The following SHISA9 variants were observed in gnomAD, a reference collection of about 807,000 sequenced individuals.
SHISA9 encodes protein shisa-9.
A neutral mutation model predicts 38.0 loss-of-function variants in SHISA9; 13 were observed. The ratio of observed to expected loss-of-function variants is 0.34; its 90% confidence interval spans 0.22 to 0.54. SHISA9 has a LOEUF of 0.54. Ranked by LOEUF, SHISA9 falls within the 20% of genes least tolerant of loss-of-function variation. The probability of loss-of-function intolerance (pLI) is 0.91; values close to 1 mark genes in which losing one functional copy is unlikely to be tolerated. For missense variants in SHISA9, 538 were observed against 575.8 expected (o/e 0.93, Z 0.67); for synonymous variants, 275 against 242.0 (o/e 1.14, Z -1.27).
At chr16:13,119,297 T>C (rs1457777447) in intron 2 of SHISA9, among the ~76,000 whole-genome samples, 2 of 152,110 alleles carry the variant, frequency 1.3e-5, no homozygotes, top group African/African-American at 4.8e-5. Flanking sequence ...AATGTTATCA[T>C]TGATTTTAGA....
the SHISA9 span, among the ~76,000 whole-genome samples, chr16:13,406,121 C>G: frequency 6.6e-6 from 1 of 152,208 alleles, no homozygotes; most frequent in African/African-American, 2.4e-5. Flanking sequence ...TAACAGCTGC[C>G]CAGATGTGCC....
intron 2 of SHISA9, among the ~76,000 whole-genome samples, chr16:12,988,555 C>A (rs992035418): frequency 6.6e-6 from 1 of 152,130 alleles, no homozygotes; most frequent in Admixed American, 6.6e-5. Context: ...GACAGCCTCT[C>A]GCTCTGTCAC....
the SHISA9 span, among the ~76,000 whole-genome samples, chr16:13,421,942 G>A: frequency 6.6e-6 from 1 of 152,222 alleles, no homozygotes; most frequent in Admixed American, 6.5e-5. Context: ...ACGAGCACAG[G>A]AAATGCCCAT....
intron 2 of SHISA9, among the ~76,000 whole-genome samples, chr16:13,158,790 C>T (rs1292560732): frequency 6.6e-6 from 1 of 152,062 alleles, no homozygotes; most frequent in East Asian, 1.9e-4. Flanking sequence ...GGCATGGTGG[C>T]TCACGCCTAT....
chr16:13,410,529 G>T, the SHISA9 span, among the ~76,000 whole-genome samples: 1 of 152,102 alleles, frequency 6.6e-6, no homozygotes, highest in Non-Finnish European at 1.5e-5. Flanking sequence ...AACAGATATG[G>T]GTTGTCTAAA....
At chr16:13,076,311 G>A (rs1021288336) in intron 2 of SHISA9, among the ~76,000 whole-genome samples, 6 of 152,190 alleles carry the variant, frequency 3.9e-5, no homozygotes, top group African/African-American at 7.2e-5. Context: ...GATTACAGGC[G>A]TGAGCCACTG....
At chr16:13,191,613 C>T (rs1398872362) in intron 2 of SHISA9, among the ~76,000 whole-genome samples, 2 of 152,130 alleles carry the variant, frequency 1.3e-5, no homozygotes, top group African/African-American at 4.8e-5. Context: ...ATAAGACACC[C>T]AAAGATGCTG....
chr16:12,908,551 G>A (rs1277316713), intron 1 of SHISA9: 2 of 1,551,890 alleles, frequency 1.3e-6, no homozygotes, highest in Non-Finnish European at 1.7e-6. Context: ...CTGGAGAGTG[G>A]AGTGTCGGAC....
chr16:13,197,008 C>T, intron 2 of SHISA9, among the ~76,000 whole-genome samples: 1 of 152,078 alleles, frequency 6.6e-6, no homozygotes, highest in East Asian at 1.9e-4. Context: ...GGGAGGATCA[C>T]TTGAACCTGG....
At chr16:13,106,691 G>T (rs1408882186) in intron 2 of SHISA9, among the ~76,000 whole-genome samples, 1 of 152,170 alleles carries the variant, frequency 6.6e-6, no homozygotes, top group Non-Finnish European at 1.5e-5. Flanking sequence ...AGGTGGACAT[G>T]TGACCTGGAT....
chr16:13,346,604 G>A, the SHISA9 span, among the ~76,000 whole-genome samples: 5 of 152,260 alleles, frequency 3.3e-5, no homozygotes, highest in South Asian at 2.1e-4. Flanking sequence ...ATCATTCTTC[G>A]TGGTGGAAGT....
Position 13,235,108 on chromosome 16 carries a change from A to ACCCCG in SHISA9, c.975_979dup (p.Val327AlafsTer3). 6.4e-7 allele frequency: 1 copy of ACCCCG among 1,551,248 alleles called. No homozygotes were observed. Among genetic ancestry groups the ACCCCG allele is most frequent in the Non-Finnish European group, 8.7e-7 (1 of 1,146,878 alleles). On this transcript the variant is annotated frameshift_variant, in exon 5 of 5. Transcript: ENST00000558583. LOFTEE classifies it high-confidence loss of function. The stretch of plus-strand genomic sequence containing the variant: ...GCTGCCAAGGGGAACTTACCTCTGC[A>ACCCCG]CCCCGTAAGAGTGGAGGACGAGCCC...
Position 13,046,894 on chromosome 16 carries a change from C to T in SHISA9, c.691+130079C>T, listed in dbSNP as rs777383670. On this transcript the variant is annotated intron_variant, in intron 2 of 4. Coordinates refer to ENST00000558583, the MANE Select transcript of SHISA9 (RefSeq NM_001145204.3). ...TGCTTCAGTAGCAGCACCATTCCCC[C>T]GGTTATGTCCTCCTGGAACCTGCAG... Among the ~76,000 whole-genome samples the T allele has an allele frequency of 5.3e-5, 8 of 152,272 alleles. No individual in the cohort carries two copies. In the East Asian group the frequency reaches 7.7e-4, roughly 15 times the overall value.
intron 4 of SHISA9, among the ~76,000 whole-genome samples, chr16:13,220,256 C>G (rs1467052192): frequency 6.6e-6 from 1 of 152,118 alleles, no homozygotes. Flanking sequence ...CTGGTTTTAA[C>G]TGGAATGACT....
At chr16:13,559,605 A>G in the SHISA9 span, among the ~76,000 whole-genome samples, 10 of 151,650 alleles carry the variant, frequency 6.6e-5, no homozygotes, top group East Asian at 1.9e-3. Flanking sequence ...CTGGTCTTAA[A>G]CTCCTCATCT....
the SHISA9 span, among the ~76,000 whole-genome samples, chr16:13,491,344 C>G: frequency 6.6e-6 from 1 of 151,144 alleles, no homozygotes; most frequent in Non-Finnish European, 1.5e-5. Flanking sequence ...AGAAATTGTC[C>G]TAAGCACCTC....
intron 3 of SHISA9, among the ~76,000 whole-genome samples, chr16:13,206,725 C>T (rs749349307): frequency 2.6e-5 from 4 of 152,262 alleles, no homozygotes; most frequent in South Asian, 2.1e-4. Flanking sequence ...TAAGACCCTA[C>T]GTACTGGTTA....
At chr16:12,922,347 T>C (rs1323962216) in intron 2 of SHISA9, among the ~76,000 whole-genome samples, 1 of 152,252 alleles carries the variant, frequency 6.6e-6, no homozygotes, top group African/African-American at 2.4e-5. Context: ...CCAGGCTCTA[T>C]TCTGCCCCAG....
chr16:13,312,417 A>G, the SHISA9 span, among the ~76,000 whole-genome samples: 2 of 152,176 alleles, frequency 1.3e-5, no homozygotes, highest in Non-Finnish European at 2.9e-5. Context: ...CCCCTCAGTC[A>G]TGGATTTCAC....
Sources: gnomAD v4.1 joint callset for allele counts (sites outside exome capture counted in the v4.1 genomes callset) on GRCh38, gnomAD v4.1.1 for gene constraint, MANE v1.5 for transcripts, NCBI Gene and HGNC (gene_info 2026-07-23, HGNC 2026-07-21) for gene names.